The following ASAP1 variants were observed in gnomAD, a reference collection of about 807,000 sequenced individuals.
ASAP1 encodes arf-GAP with SH3 domain, ANK repeat and PH domain-containing protein 1.
A neutral mutation model predicts 145.2 loss-of-function variants in ASAP1; 43 were observed. That is an observed-to-expected ratio of 0.30 (90% CI 0.23 to 0.38). ASAP1 has a LOEUF of 0.38. ASAP1 is among the 10% of genes least tolerant of loss of function. The pLI is 1.00. For synonymous variants in ASAP1, 546 were observed against 515.5 expected (o/e 1.06, Z -0.80); for missense variants, 1,018 against 1,355.3 (o/e 0.75, Z 3.91).
intron 2 of ASAP1, among the ~76,000 whole-genome samples, chr8:130,401,615 T>C (rs983277835): frequency 6.6e-6 from 1 of 152,170 alleles, no homozygotes; most frequent in Non-Finnish European, 1.5e-5. Flanking sequence ...GGTGTCACTG[T>C]TGTTGCTACT....
chr8:130,260,743 C>A (rs980032034), intron 3 of ASAP1, among the ~76,000 whole-genome samples: 3 of 152,130 alleles, frequency 2.0e-5, no homozygotes, highest in Non-Finnish European at 4.4e-5. Context: ...GGGTCTGTCT[C>A]TATGTGCCGA....
At chr8:130,169,460 G>T (rs746788040) in intron 9 of ASAP1, among the ~76,000 whole-genome samples, 1 of 152,224 alleles carries the variant, frequency 6.6e-6, no homozygotes, top group Non-Finnish European at 1.5e-5. Flanking sequence ...GGAATATCAT[G>T]AGGTTGATCT....
chr8:130,112,692 G>A (rs750640114), intron 23 of ASAP1, among the ~76,000 whole-genome samples: 6 of 152,204 alleles, frequency 3.9e-5, no homozygotes, highest in Non-Finnish European at 5.9e-5. Context: ...GCTACATTAA[G>A]TTTTGTTCCC....
intron 20 of ASAP1, 32 bp from the exon 21 acceptor site, chr8:130,117,027 G>C (rs746773429): frequency 1.3e-6 from 2 of 1,509,508 alleles, no homozygotes; most frequent in South Asian, 2.4e-5. Context: ...AGAAAAAAAT[G>C]ACTTACTTTA....
chr8:130,374,034 TAAAAAAAAA>T (rs34199624), intron 2 of ASAP1, among the ~76,000 whole-genome samples: 1 of 94,402 alleles, frequency 1.1e-5, no homozygotes, highest in Non-Finnish European at 2.0e-5. Flanking sequence ...TAACTCCCTT[TAAAAAAAAA>T]AAAAAAAAAA....
In ASAP1 at chr8:130,054,685, C is replaced by T. The variant is rs1188822514; in HGVS notation, c.*46G>A. 1.3e-6 allele frequency: 2 copies of T among 1,525,226 alleles called. No homozygotes were observed. The highest frequency in any genetic ancestry group is 1.8e-6 in the Non-Finnish European group (2 of 1,099,960). 94.5% of individuals were successfully genotyped at this position (1,525,226 alleles called of 1,614,324 possible). On this transcript the variant is annotated 3_prime_UTR_variant, in exon 30 of 30. Coordinates refer to ENST00000518721, the MANE Select transcript of ASAP1 (RefSeq NM_018482.4). The stretch of plus-strand genomic sequence containing the variant: ...TGTGCCCAGGGTTACATGAAGGCAG[C>T]AGTCTTGCATGAAGGATGTGGACAA...
intron 5 of ASAP1, chr8:130,208,745 A>G (rs751508306): frequency 1.3e-5 from 2 of 152,170 alleles, no homozygotes; most frequent in African/African-American, 2.4e-5. Flanking sequence ...ATGAAGGCTG[A>G]TCTGCCAATG....
intron 3 of ASAP1, among the ~76,000 whole-genome samples, chr8:130,246,745 A>G (rs1818877633): frequency 6.6e-6 from 1 of 152,156 alleles, no homozygotes; most frequent in South Asian, 2.1e-4. Context: ...CTGTCATCCT[A>G]AACAACTACA....
At chr8:130,226,493 A>C (rs1343322615) in intron 4 of ASAP1, among the ~76,000 whole-genome samples, 2 of 152,152 alleles carry the variant, frequency 1.3e-5, no homozygotes. Flanking sequence ...CCCTGTGGAC[A>C]TTTTTTAAAA....
intron 15 of ASAP1, among the ~76,000 whole-genome samples, chr8:130,131,958 G>T (rs537596220): frequency 6.6e-6 from 1 of 152,178 alleles, no homozygotes; most frequent in Non-Finnish European, 1.5e-5. Context: ...AAATATTGAA[G>T]ATCTGAGTTT....
At chr8:130,300,184 A>AGAGAGC (rs761456724) in intron 3 of ASAP1, among the ~76,000 whole-genome samples, 14 of 140,358 alleles carry the variant, frequency 1.0e-4, no homozygotes, top group African/African-American at 3.9e-4. Context: ...AGAGAGAGAG[A>AGAGAGC]GAGCGAGCGA....
Position 130,080,020 on chromosome 8 carries a change from GCA to G in ASAP1, c.2573-51_2573-50del, listed in dbSNP as rs2097475398. 7 of 1,525,042 alleles carry G rather than the reference GCA, an allele frequency of 4.6e-6. 1 individual carries two copies. The Middle Eastern group carries it at 5.1e-4, about 111-fold the overall frequency. 94.5% of individuals were successfully genotyped at this position (1,525,042 alleles called of 1,614,324 possible). A position where few individuals can be genotyped will look rare whatever the true frequency, so the allele number is the denominator to read the frequency against. On this transcript the variant is annotated intron_variant, in intron 25 of 29. Coordinates refer to ENST00000518721, the MANE Select transcript of ASAP1 (RefSeq NM_018482.4). ...AAGGTATGTCTTTAGATGGGGAAATGCAATGAGAATACATGGGTTTGGCCTGT... is the reference window on the plus strand; with the variant it reads ...AAGGTATGTCTTTAGATGGGGAAATGATGAGAATACATGGGTTTGGCCTGT...
At chr8:130,133,075 G>C (rs2097585543) in intron 15 of ASAP1, among the ~76,000 whole-genome samples, 1 of 152,000 alleles carries the variant, frequency 6.6e-6, no homozygotes, top group African/African-American at 2.4e-5. Context: ...CATGTATTCT[G>C]TGCCACTGAT....
chr8:130,332,632 A>C (rs1171903231), intron 3 of ASAP1, among the ~76,000 whole-genome samples: 1 of 152,128 alleles, frequency 6.6e-6, no homozygotes, highest in Admixed American at 6.5e-5. Context: ...GAAACTCTGG[A>C]TTTTTTCCCT....
intron 13 of ASAP1, among the ~76,000 whole-genome samples, chr8:130,144,951 A>G (rs2097624112): frequency 6.6e-6 from 1 of 152,220 alleles, no homozygotes; most frequent in South Asian, 2.1e-4. Flanking sequence ...GGAATCGGTT[A>G]CCTTACTTTT....
intron 24 of ASAP1, among the ~76,000 whole-genome samples, chr8:130,097,126 C>CAAAAAAAAAAAAAAAA (rs61591724): frequency 3.7e-5 from 2 of 53,568 alleles, no homozygotes; most frequent in Non-Finnish European, 6.3e-5. Flanking sequence ...AGTTAGTCTC[C>CAAAAAAAAAAAAAAAA]AAAAAAAAAA....
intron 2 of ASAP1, among the ~76,000 whole-genome samples, chr8:130,398,733 TATA>T (rs931057235): frequency 6.6e-5 from 10 of 152,188 alleles, no homozygotes; most frequent in Non-Finnish European, 1.3e-4. Flanking sequence ...CTTGTAAGTC[TATA>T]AAACAGGAGA....
At chr8:130,187,937 T>C (rs959079491) in intron 6 of ASAP1, among the ~76,000 whole-genome samples, 172 bp downstream of exon 6, 2 of 152,204 alleles carry the variant, frequency 1.3e-5, no homozygotes, top group African/African-American at 4.8e-5. Flanking sequence ...CCTCTGTCAA[T>C]ACCATTATGT....
intron 3 of ASAP1, among the ~76,000 whole-genome samples, chr8:130,261,589 C>T (rs755048748): frequency 6.6e-6 from 1 of 152,134 alleles, no homozygotes; most frequent in African/African-American, 2.4e-5. Context: ...AGGAAGACCT[C>T]ATACAAGAGA....
Sources: gnomAD v4.1 joint callset for allele counts (sites outside exome capture counted in the v4.1 genomes callset) on GRCh38, gnomAD v4.1.1 for gene constraint, MANE v1.5 for transcripts, NCBI Gene and HGNC (gene_info 2026-07-23, HGNC 2026-07-21) for gene names.